Variants in NKTR observed in about 807,000 individuals in gnomAD.
NKTR encodes NK-tumor recognition protein.
Under a neutral mutation model 156.3 loss-of-function variants are expected in NKTR, and 67 were observed. The ratio of observed to expected loss-of-function variants is 0.43; its 90% CI spans 0.35 to 0.53. The LOEUF is 0.53. Among genes scored for constraint, NKTR ranks in the 20% least tolerant of loss-of-function variants. The probability of loss-of-function intolerance (pLI) is 0.01; values close to 1 mark genes in which losing one functional copy is unlikely to be tolerated. For synonymous variants in NKTR, 640 were observed against 596.6 expected (o/e 1.07, Z -1.06); for missense variants, 1,604 against 1,730.9 (o/e 0.93, Z 1.30).
rs1392398848 is a variant in NKTR, at chr3:42,637,165, T to C, written c.1461T>C (p.Ser487=). Residue 487 remains serine, a synonymous_variant, in exon 13 of 17, where the codon TCT becomes TCC. Coordinates refer to ENST00000232978, the MANE Select transcript of NKTR (RefSeq NM_005385.4). ...GTGATAGAGAAAGGAGTTCTCGTTCTTCCTCATTGTCATCTCATCACTCAT... is the reference window on the plus strand; with the variant it reads ...GTGATAGAGAAAGGAGTTCTCGTTCCTCCTCATTGTCATCTCATCACTCAT... The part of the protein sequence containing the change: ...SSCDRERSSR[S]SSLSSHHSSK... 3.7e-6 allele frequency: 6 copies of C among 1,611,834 alleles called. No individual in the cohort carries two copies. The highest frequency in any genetic ancestry group is 5.1e-6 in the Non-Finnish European group (6 of 1,179,498).
intron 16 of NKTR, among the ~76,000 whole-genome samples, chr3:42,645,089 C>T (rs1312327276): frequency 6.6e-6 from 1 of 152,000 alleles, no homozygotes; most frequent in Non-Finnish European, 1.5e-5. Context: ...ACTCAATATC[C>T]CAGTGGTCCT....
intron 5 of NKTR, chr3:42,620,649 T>A (rs1291260694): frequency 1.0e-6 from 1 of 982,826 alleles, no homozygotes; most frequent in African/African-American, 1.7e-5. Flanking sequence ...ACATATAAGT[T>A]AGTTTTCAAG....
At chr3:42,635,511 C>A in intron 12 of NKTR, 145 bp downstream of exon 12, 1 of 617,734 alleles carries the variant, frequency 1.6e-6, no homozygotes, top group Non-Finnish European at 2.7e-6. Context: ...TTTGGGACTA[C>A]TTGATGAAAG....
chr3:42,616,688 T>G (rs1016601406), intron 2 of NKTR, among the ~76,000 whole-genome samples: 15 of 152,218 alleles, frequency 9.9e-5, no homozygotes, highest in African/African-American at 3.6e-4. Flanking sequence ...TTCCTTGTAA[T>G]CTCGTGTTTG....
At position 42,639,097 on chromosome 3, in the gene NKTR, C is replaced by T; in HGVS notation, c.3393C>T (p.Ile1131=). ...DVLQTDDNME[I]CTPDRSSPAK... is the part of the protein sequence containing the mutation. ...TTCAAACAGATGACAACATGGAGAT[C>T]TGCACTCCTGATAGGAGTTCCCCAG... Residue 1131 remains isoleucine (I), a synonymous_variant, in exon 13 of 17, where the codon ATC becomes ATT. Coordinates refer to ENST00000232978, the MANE Select transcript of NKTR (RefSeq NM_005385.4). The T allele has an allele frequency of 1.9e-6, 3 of 1,614,176 alleles. No individual in the cohort carries two copies. The highest frequency in any genetic ancestry group is 2.5e-6 in the Non-Finnish European group (3 of 1,180,026).
chr3:42,634,803 C>A, intron 11 of NKTR, 103 bp downstream of exon 11: 2 of 624,334 alleles, frequency 3.2e-6, no homozygotes, highest in Non-Finnish European at 5.5e-6. Flanking sequence ...AAAATCTGTT[C>A]AAGGAACTAA....
chr3:42,637,397 A>C lies in NKTR; in HGVS notation c.1693A>C (p.Lys565Gln), dbSNP rs376518787. The C allele has an allele frequency of 1.2e-6, 2 of 1,613,666 alleles. No individual in the cohort carries two copies. Among genetic ancestry groups the C allele is most frequent in the African/African-American group, 1.3e-5 (1 of 74,904 alleles). The change falls in exon 13 of 17, where the codon AAA (lysine) becomes CAA (glutamine). Residue 565 changes from lysine (K) to glutamine (Q), a missense_variant. Physicochemically the swap from Lys to Gln is moderately conservative, Grantham distance 53 (BLOSUM62 1). This residue lies in a region of NKTR where 1,255 missense variants were observed against 1,243.7 expected (regional missense o/e 1.01). Coordinates refer to ENST00000232978, the MANE Select transcript of NKTR (RefSeq NM_005385.4). Reference sequence around the variant, plus strand: ...GTCTGGGCACCGAAAGAGAGCATCAAAATCACCAAGAAAAACAGCTTCTCA... The same window carrying C: ...GTCTGGGCACCGAAAGAGAGCATCACAATCACCAAGAAAAACAGCTTCTCA... ...SKSGHRKRAS[K>Q]SPRKTASQLS...
intron 4 of NKTR, 31 bp downstream of exon 4, chr3:42,619,158 C>G: frequency 1.9e-6 from 3 of 1,586,536 alleles, no homozygotes; most frequent in East Asian, 2.2e-5. Context: ...CCTAATAACT[C>G]CATCTATCAG....
chr3:42,638,041 GAC>G lies in NKTR; in HGVS notation c.2340_2341del (p.Leu781SerfsTer3), dbSNP rs1201406026. ...AAAAGCATAGCAGCAGCTCTGAAAA[GAC>G]ACTTCACAGTAAATATGTCAAAGGT... ...HKKHSSSSEK[T>X]LHSKYVKGRD... is the part of the protein sequence containing the mutation. On this transcript the variant is annotated frameshift_variant, in exon 13 of 17. Transcript: ENST00000232978. LOFTEE classifies it high-confidence loss of function. 1 of 1,614,034 alleles carries G rather than the reference GAC, an allele frequency of 6.2e-7. No individual in the cohort carries two copies. Among genetic ancestry groups the G allele is most frequent in the African/African-American group, 1.3e-5 (1 of 74,928 alleles).
rs1709699965 is a variant in NKTR at position 42,639,551 on chromosome 3, AAGAC to A, written c.3850_3853del (p.Thr1284HisfsTer3). Reference sequence around the variant, plus strand: ...TGGGTCTCTCTTTGATGAAGTAAGAAAGACAGCACGCTTAAACCGTAGACCAAGA... The same window carrying A: ...TGGGTCTCTCTTTGATGAAGTAAGAAAGCACGCTTAAACCGTAGACCAAGA... On this transcript the variant is annotated frameshift_variant, in exon 13 of 17. Transcript: ENST00000232978. LOFTEE classifies it high-confidence loss of function. 1.2e-6 allele frequency: 2 copies of A among 1,614,194 alleles called. No homozygotes were observed. Among genetic ancestry groups the A allele is most frequent in the Non-Finnish European group, 1.7e-6 (2 of 1,180,030 alleles).
At chr3:42,612,252 A>C (rs1272438563) in intron 2 of NKTR, 1 of 152,112 alleles carries the variant, frequency 6.6e-6, no homozygotes, top group Non-Finnish European at 1.5e-5. Flanking sequence ...GTATGAAAAG[A>C]AACTGGAAAA....
intron 12 of NKTR, 102 bp from the exon 13 acceptor site, chr3:42,636,766 A>G: frequency 6.9e-7 from 1 of 1,445,498 alleles, no homozygotes; most frequent in Non-Finnish European, 9.1e-7. Flanking sequence ...GTGTGCTTAA[A>G]GTGTTAATGG....
At chr3:42,630,843 G>A (rs900888867) in intron 7 of NKTR, 90 of 1,328,656 alleles carry the variant, frequency 6.8e-5, no homozygotes, top group Non-Finnish European at 8.3e-5. Context: ...TTCCAAAATG[G>A]GTCGGATAGT....
Position 42,638,676 on chromosome 3 carries a change from A to G in NKTR, c.2972A>G (p.Lys991Arg). The change falls in exon 13 of 17, where the codon AAA becomes AGA. Residue 991 changes from lysine to arginine, a missense_variant. Around this residue, in one of 6 missense-constraint regions of NKTR, gnomAD observed 1,255 missense variants for 1,243.7 expected, o/e 1.01. Transcript: ENST00000232978. ...GAAAATCTTAAAAGAGAACACACCA[A>G]AAAAGTGAAAGAGAAATTGAAAGGG... The part of the protein sequence containing the change: ...SKENLKREHT[K>R]KVKEKLKGKK... The G allele has an allele frequency of 1.2e-6, 2 of 1,611,840 alleles. No individual in the cohort carries two copies. The highest frequency in any genetic ancestry group is 2.2e-5 in the South Asian group (2 of 90,312).
chr3:42,635,650 T>C (rs776727840), intron 12 of NKTR, among the ~76,000 whole-genome samples: 3 of 152,210 alleles, frequency 2.0e-5, no homozygotes, highest in Non-Finnish European at 4.4e-5. Context: ...CCGGGCGTGG[T>C]GGCTCACGCT....
In NKTR at chr3:42,643,853, T is replaced by C. The variant is rs760997047; in HGVS notation, c.4200-49T>C. On this transcript the variant is annotated intron_variant, in intron 15 of 16. Coordinates refer to ENST00000232978, the MANE Select transcript of NKTR (RefSeq NM_005385.4). ...GATCCTAAAAAGAAATAGGAACATA[T>C]GAGTATCTGAGTGGGAAAATTTAGT... 39 of 1,294,986 alleles carry C rather than the reference T, an allele frequency of 3.0e-5. No individual in the cohort carries two copies. The South Asian group carries it at 3.5e-4, about 12-fold the overall frequency. 80.2% of individuals were successfully genotyped at this position (1,294,986 alleles called of 1,614,324 possible). A position where few individuals can be genotyped will look rare whatever the true frequency, so the allele number is the denominator to read the frequency against.
intron 2 of NKTR, among the ~76,000 whole-genome samples, chr3:42,607,969 CTTTTTT>C (rs201803926): frequency 5.3e-5 from 4 of 74,902 alleles, no homozygotes; most frequent in Non-Finnish European, 5.9e-5. Flanking sequence ...CTGAGTCGCT[CTTTTTT>C]TTTTTTTTTT....
intron 13 of NKTR, among the ~76,000 whole-genome samples, chr3:42,640,899 C>T (rs1174389327): frequency 6.6e-6 from 1 of 152,162 alleles, no homozygotes; most frequent in East Asian, 1.9e-4. Context: ...GCCTATTGAG[C>T]GACTCCAGCT....
Position 42,631,324 on chromosome 3 carries a change from C to G in NKTR, c.550+8C>G. 6.2e-7 allele frequency: 1 copy of G among 1,612,398 alleles called. No individual in the cohort carries two copies. The highest frequency in any genetic ancestry group is 8.5e-7 in the Non-Finnish European group (1 of 1,179,130). ...CAAAATCAATAAAAGATGGTAAGAA[C>G]TTTTTTGACAGTAGATGAAGCTAAG... On this transcript the variant is annotated splice_region_variant and intron_variant, in intron 8 of 16. Transcript: ENST00000232978.
Sources: allele counts gnomAD v4.1 joint callset (sites outside exome capture counted in the v4.1 genomes callset), GRCh38; gene constraint gnomAD v4.1.1; regional missense constraint gnomAD v4.1.1; transcripts MANE v1.5; gene names NCBI Gene and HGNC (gene_info 2026-07-23, HGNC 2026-07-21).